SGCZ: variants seen among roughly 807,000 people sequenced by gnomAD.
The protein encoded by SGCZ is zeta-sarcoglycan.
A neutral mutation model predicts 41.3 loss-of-function variants in SGCZ; 40 were observed. That is an observed-to-expected ratio of 0.97 (90% confidence interval 0.75 to 1.26). SGCZ has a LOEUF of 1.26. Among genes scored for constraint, SGCZ ranks in the 50% most tolerant of loss-of-function variants. The pLI is 0.00. For synonymous variants in SGCZ, 206 were observed against 137.5 expected (o/e 1.50, Z -3.49); for missense variants, 552 against 369.8 (o/e 1.49, Z -4.04).
At chr8:15,078,624 A>C (rs1805631816) in intron 1 of SGCZ, among the ~76,000 whole-genome samples, 2 of 151,964 alleles carry the variant, frequency 1.3e-5, no homozygotes, top group South Asian at 2.1e-4. Flanking sequence ...AATTATCTCC[A>C]CTTAGTAAGT....
chr8:14,940,318 T>A (rs1247844920), intron 1 of SGCZ, among the ~76,000 whole-genome samples: 1 of 152,138 alleles, frequency 6.6e-6, no homozygotes, highest in Non-Finnish European at 1.5e-5. Flanking sequence ...ATCCATCTAA[T>A]GCATTATGCA....
intron 1 of SGCZ, among the ~76,000 whole-genome samples, chr8:15,103,080 G>A (rs542091554): frequency 4.8e-4 from 73 of 152,134 alleles, no homozygotes; most frequent in Non-Finnish European, 9.1e-4. Flanking sequence ...CATAAGGAGA[G>A]ATCGAAGAGT....
chr8:15,032,857 T>C (rs1363971030), intron 1 of SGCZ, among the ~76,000 whole-genome samples: 2 of 151,966 alleles, frequency 1.3e-5, no homozygotes, highest in Non-Finnish European at 2.9e-5. Flanking sequence ...GGATACAGGC[T>C]CAAAGCCTAC....
intron 1 of SGCZ, among the ~76,000 whole-genome samples, chr8:14,781,509 C>T (rs1800586604): frequency 6.6e-6 from 1 of 152,106 alleles, no homozygotes; most frequent in Non-Finnish European, 1.5e-5. Context: ...CATTTACAGC[C>T]TGAGCCACCA....
chr8:14,997,425 A>ATCATATTTCT (rs1283477731), intron 1 of SGCZ, among the ~76,000 whole-genome samples: 1 of 152,244 alleles, frequency 6.6e-6, no homozygotes, highest in Non-Finnish European at 1.5e-5. Context: ...GTGAACAAAC[A>ATCATATTTCT]TCATATTTCT....
At chr8:15,078,901 T>C (rs1337112232) in intron 1 of SGCZ, among the ~76,000 whole-genome samples, 3 of 152,150 alleles carry the variant, frequency 2.0e-5, no homozygotes, top group African/African-American at 7.2e-5. Context: ...TAAGCAAGAA[T>C]TTAGATAACA....
At chr8:15,185,439 G>A (rs1234574134) in intron 1 of SGCZ, among the ~76,000 whole-genome samples, 2 of 152,170 alleles carry the variant, frequency 1.3e-5, no homozygotes, top group Non-Finnish European at 2.9e-5. Context: ...TACTCACTGA[G>A]ACACTGCAAG....
chr8:14,236,250 A>C (rs531953845), intron 4 of SGCZ, among the ~76,000 whole-genome samples: 2 of 152,294 alleles, frequency 1.3e-5, no homozygotes, highest in South Asian at 4.1e-4. Flanking sequence ...TTAATCTTGA[A>C]TCCATTTGCT....
chr8:14,593,863 C>A (rs1805318608), intron 1 of SGCZ, among the ~76,000 whole-genome samples: 1 of 151,950 alleles, frequency 6.6e-6, no homozygotes. Context: ...TCAGAATCAC[C>A]TAGGGAACTT....
intron 3 of SGCZ, among the ~76,000 whole-genome samples, chr8:14,282,131 TA>T (rs11394787): frequency 6.6e-6 from 1 of 151,244 alleles, no homozygotes; most frequent in Non-Finnish European, 1.5e-5. Flanking sequence ...ATCTACTATG[TA>T]AAAAAAAATC....
intron 1 of SGCZ, among the ~76,000 whole-genome samples, chr8:14,734,229 T>C (rs1798960365): frequency 6.6e-6 from 1 of 152,130 alleles, no homozygotes; most frequent in Admixed American, 6.5e-5. Flanking sequence ...TTATATTGTG[T>C]TATCAAGATT....
At chr8:14,215,244 T>C (rs1227704163) in intron 4 of SGCZ, among the ~76,000 whole-genome samples, 1 of 152,184 alleles carries the variant, frequency 6.6e-6, no homozygotes, top group Non-Finnish European at 1.5e-5. Flanking sequence ...GAAAACTAAA[T>C]AATACATTTC....
chr8:14,988,229 A>G (rs1198385098), intron 1 of SGCZ, among the ~76,000 whole-genome samples: 1 of 150,912 alleles, frequency 6.6e-6, no homozygotes, highest in African/African-American at 2.4e-5. Flanking sequence ...AATCAATCAT[A>G]TCCAATATAA....
At chr8:14,866,217 T>A (rs1803924993) in intron 1 of SGCZ, among the ~76,000 whole-genome samples, 1 of 152,102 alleles carries the variant, frequency 6.6e-6, no homozygotes, top group African/African-American at 2.4e-5. Flanking sequence ...TGGAGCAAAA[T>A]TTTCAAACTT....
intron 3 of SGCZ, among the ~76,000 whole-genome samples, chr8:14,267,727 C>CTGTA (rs1370526516): frequency 6.6e-6 from 1 of 152,016 alleles, no homozygotes. Flanking sequence ...GTCCACTCAT[C>CTGTA]TGTATGTAGT....
intron 1 of SGCZ, among the ~76,000 whole-genome samples, chr8:14,580,515 T>A (rs1401918434): frequency 4.6e-5 from 7 of 152,222 alleles, no homozygotes; most frequent in African/African-American, 1.7e-4. Context: ...TAGAGGATAG[T>A]GTTAGTATAA....
intron 2 of SGCZ, among the ~76,000 whole-genome samples, chr8:14,457,905 G>A (rs1451219611): frequency 6.6e-6 from 1 of 152,124 alleles, no homozygotes; most frequent in Non-Finnish European, 1.5e-5. Context: ...GTGGTCCCCG[G>A]GGCCCAGCTG....
At chr8:14,403,156 C>T (rs552266087) in intron 2 of SGCZ, among the ~76,000 whole-genome samples, 2 of 150,172 alleles carry the variant, frequency 1.3e-5, no homozygotes, top group Non-Finnish European at 2.9e-5. Flanking sequence ...CGAGACTTTG[C>T]TGAAGTTGCT....
intron 1 of SGCZ, among the ~76,000 whole-genome samples, chr8:15,149,613 T>C (rs1455658754): frequency 6.7e-6 from 1 of 149,418 alleles, no homozygotes; most frequent in Non-Finnish European, 1.5e-5. Flanking sequence ...ATTTATCACT[T>C]ACATCATTGC....
Sources: gnomAD v4.1 joint callset for allele counts (sites outside exome capture counted in the v4.1 genomes callset) on GRCh38, gnomAD v4.1.1 for gene constraint, MANE v1.5 for transcripts, NCBI Gene and HGNC (gene_info 2026-07-23, HGNC 2026-07-21) for gene names.